ULK4: variants seen among roughly 807,000 people sequenced by gnomAD.
The protein encoded by ULK4 is unc-51 like kinase 4.
A neutral mutation model predicts 160.6 loss-of-function variants in ULK4; 133 were observed. That is an observed-to-expected ratio of 0.83 (90% CI 0.72 to 0.96). ULK4 has a LOEUF of 0.96. ULK4 is among the 40% of genes least tolerant of loss of function. The pLI is 0.00. For synonymous variants in ULK4, 534 were observed against 539.8 expected, an observed-to-expected ratio of 0.99 and a Z score of 0.15; for missense variants, 1,580 against 1,499.5, an observed-to-expected ratio of 1.05 and a Z score of -0.89.
At chr3:41,547,507 C>A (rs1224901908) in intron 32 of ULK4, among the ~76,000 whole-genome samples, 1 of 152,098 alleles carries the variant, frequency 6.6e-6, no homozygotes, top group Admixed American at 6.5e-5. Context: ...CACTGTGGAC[C>A]CTTGCAAACC....
At chr3:41,559,432 A>T (rs566176364) in intron 32 of ULK4, among the ~76,000 whole-genome samples, 1 of 148,760 alleles carries the variant, frequency 6.7e-6, no homozygotes, top group Admixed American at 6.9e-5. Flanking sequence ...CTAGTTCTAG[A>T]TCCTTGAGGA....
intron 8 of ULK4, among the ~76,000 whole-genome samples, chr3:41,913,714 G>A: frequency 6.6e-6 from 1 of 152,066 alleles, no homozygotes; most frequent in Admixed American, 6.5e-5. Flanking sequence ...TGTAATCCCA[G>A]CATTTTGGGA....
chr3:41,933,289 C>T (rs556537530), intron 4 of ULK4, among the ~76,000 whole-genome samples: 105 of 152,108 alleles, frequency 6.9e-4, no homozygotes, highest in Non-Finnish European at 1.2e-3. Flanking sequence ...TCCAGAGGAC[C>T]ACTGGCAGGG....
chr3:41,615,063 G>A (rs534870771), intron 31 of ULK4, among the ~76,000 whole-genome samples: 10 of 152,150 alleles, frequency 6.6e-5, no homozygotes, highest in Non-Finnish European at 1.2e-4. Context: ...TCTGTATTTG[G>A]TATAATTAGG....
At chr3:41,933,523 G>A (rs1699662861) in intron 4 of ULK4, among the ~76,000 whole-genome samples, 2 of 152,018 alleles carry the variant, frequency 1.3e-5, no homozygotes, top group African/African-American at 4.8e-5. Flanking sequence ...CCCAACCTTC[G>A]CTAACCCCTG....
chr3:41,763,457 A>G (rs1255990499), intron 21 of ULK4, among the ~76,000 whole-genome samples: 1 of 152,216 alleles, frequency 6.6e-6, no homozygotes, highest in Non-Finnish European at 1.5e-5. Flanking sequence ...GATAAACAAG[A>G]AAAGAAATGA....
Position 41,880,287 on chromosome 3 carries a change from A to C in ULK4, c.1656+3587T>G, listed in dbSNP as rs1697468346. ...TTACAGAGTGGTAAATGTGTTATCT[A>C]GGAATATAAGCTTCAGATGGTTATA... On this transcript the variant is annotated intron_variant, in intron 17 of 36. Coordinates refer to ENST00000301831, the MANE Select transcript of ULK4 (RefSeq NM_017886.4). Among the ~76,000 whole-genome samples the C allele has an allele frequency of 2.0e-5, 3 of 152,152 alleles. No homozygotes were observed. The South Asian group carries it at 6.2e-4, about 32-fold the overall frequency.
At chr3:41,304,357 TGCCTAGTGTATAA>T (rs1371191850) in intron 35 of ULK4, among the ~76,000 whole-genome samples, 1 of 151,046 alleles carries the variant, frequency 6.6e-6, no homozygotes, top group Non-Finnish European at 1.5e-5. Context: ...GTGAACAATC[TGCCTAGTGTATAA>T]GCCACTGAGT....
chr3:41,743,268 A>T (rs2038301460), intron 22 of ULK4, among the ~76,000 whole-genome samples: 1 of 151,850 alleles, frequency 6.6e-6, no homozygotes, highest in South Asian at 2.1e-4. Context: ...GAAATAACAG[A>T]TTTGAACCAT....
At chr3:41,735,687 T>TTTATTATTA (rs10652302) in intron 22 of ULK4, among the ~76,000 whole-genome samples, 11,283 of 144,428 alleles carry the variant, frequency 0.078, 1,012 homozygotes, top group African/African-American at 0.21. Context: ...CTAAGTCCAT[T>TTTATTATTA]TTATTATTAT....
At chr3:41,926,494 C>G (rs140985051) in intron 5 of ULK4, among the ~76,000 whole-genome samples, 1 of 152,116 alleles carries the variant, frequency 6.6e-6, no homozygotes, top group East Asian at 1.9e-4. Context: ...GGATGGAGAA[C>G]GAGTTTGCCA....
At chr3:41,530,889 G>A (rs991682446) in intron 32 of ULK4, among the ~76,000 whole-genome samples, 17 of 151,760 alleles carry the variant, frequency 1.1e-4, no homozygotes, top group South Asian at 8.3e-4. Flanking sequence ...TCAGCCTCCC[G>A]AGGAGCTGGG....
At chr3:41,831,531 A>ATATATATATATATATATTT in intron 18 of ULK4, among the ~76,000 whole-genome samples, 5 of 138,064 alleles carry the variant, frequency 3.6e-5, no homozygotes, top group African/African-American at 1.4e-4. Context: ...ATATATATAT[A>ATATATATATATATATATTT]TTTTTTTTTC....
intron 22 of ULK4, among the ~76,000 whole-genome samples, chr3:41,739,240 G>A (rs1263048221): frequency 6.6e-6 from 1 of 151,870 alleles, no homozygotes; most frequent in Non-Finnish European, 1.5e-5. Flanking sequence ...TAAATTGCAT[G>A]AACAGTGGCT....
chr3:41,923,798 CTT>C (rs1699284397), intron 5 of ULK4, among the ~76,000 whole-genome samples: 1 of 152,202 alleles, frequency 6.6e-6, no homozygotes, highest in Non-Finnish European at 1.5e-5. Context: ...ATTTGAAACT[CTT>C]TTCATAAATC....
At chr3:41,572,659 A>T (rs1394547869) in intron 31 of ULK4, among the ~76,000 whole-genome samples, 1 of 150,864 alleles carries the variant, frequency 6.6e-6, no homozygotes, top group Non-Finnish European at 1.5e-5. Flanking sequence ...CCAGCTACTG[A>T]GGAGGCTGAG....
At chr3:41,256,016 A>G (rs985111729) in intron 35 of ULK4, among the ~76,000 whole-genome samples, 2 of 152,240 alleles carry the variant, frequency 1.3e-5, no homozygotes, top group East Asian at 3.8e-4. Flanking sequence ...GATAAAATAT[A>G]TCAGGATCTC....
intron 17 of ULK4, among the ~76,000 whole-genome samples, chr3:41,878,233 G>C (rs568960658): frequency 1.3e-5 from 2 of 152,264 alleles, no homozygotes; most frequent in Non-Finnish European, 2.9e-5. Flanking sequence ...CTGCCGAGAA[G>C]CCAGCAAGCT....
chr3:41,944,308 C>T (rs927699537), intron 2 of ULK4, among the ~76,000 whole-genome samples: 3 of 152,136 alleles, frequency 2.0e-5, no homozygotes, highest in African/African-American at 7.2e-5. Flanking sequence ...AAATAAACCA[C>T]CTGCTTTAAG....
Sources: gnomAD v4.1 joint callset for allele counts (sites outside exome capture counted in the v4.1 genomes callset) on GRCh38, gnomAD v4.1.1 for gene constraint, MANE v1.5 for transcripts, NCBI Gene and HGNC (gene_info 2026-07-23, HGNC 2026-07-21) for gene names.